BEND7: variants seen among roughly 807,000 people sequenced by gnomAD.
The protein encoded by BEND7 is BEN domain-containing protein 7.
In BEND7, 28 loss-of-function variants were observed where a neutral mutation model predicts 50.9. The observed-to-expected ratio is 0.55, with a 90% CI of 0.41 to 0.75. BEND7 has a LOEUF of 0.75. Among genes scored for constraint, BEND7 ranks in the 30% least tolerant of loss-of-function variants. The pLI, the probability that BEND7 is intolerant of heterozygous loss-of-function variation, is 0.00. For missense variants in BEND7, 477 were observed against 491.3 expected, an observed-to-expected ratio of 0.97 and a Z score of 0.28; for synonymous variants, 170 against 183.9, an observed-to-expected ratio of 0.92 and a Z score of 0.61.
chr10:13,464,767 C>A (rs1349715197), intron 6 of BEND7, among the ~76,000 whole-genome samples: 1 of 152,140 alleles, frequency 6.6e-6, no homozygotes, highest in Non-Finnish European at 1.5e-5. Context: ...AGTCTGTGAA[C>A]AAATCAGAAA....
At chr10:13,446,447 C>T (rs947720529) in intron 8 of BEND7, 7 of 152,212 alleles carry the variant, frequency 4.6e-5, no homozygotes, top group Admixed American at 1.3e-4. Flanking sequence ...AAAAAACATT[C>T]GGTTGAACCT....
In BEND7 at chr10:13,529,003, G is replaced by T; in HGVS notation, c.-470C>A. On this transcript the variant is annotated 5_prime_UTR_variant, in exon 1 of 9. Transcript: ENST00000466271. Reference sequence around the variant, plus strand: ...GAAGACGCGGCGGGCGGGCTGCGGGGAGGGCGGCGGCGGGTGCAGAGCCGG... The same window carrying T: ...GAAGACGCGGCGGGCGGGCTGCGGGTAGGGCGGCGGCGGGTGCAGAGCCGG... The T allele has an allele frequency of 6.9e-6, 1 of 145,772 alleles. No individual in the cohort carries two copies. The highest frequency in any genetic ancestry group is 1.8e-4 in the South Asian group (1 of 5,496). 9.0% of individuals were successfully genotyped at this position (145,772 alleles called of 1,614,324 possible). A position where few individuals can be genotyped will look rare whatever the true frequency, so the allele number is the denominator to read the frequency against.
intron 8 of BEND7, 163 bp downstream of exon 8, chr10:13,447,103 T>C: frequency 5.8e-6 from 4 of 693,362 alleles, no homozygotes; most frequent in Non-Finnish European, 1.0e-5. Flanking sequence ...AAAACATCTC[T>C]GAGTACGGGG....
intron 2 of BEND7, among the ~76,000 whole-genome samples, chr10:13,510,978 G>T (rs2078235056): frequency 6.6e-6 from 1 of 152,112 alleles, no homozygotes; most frequent in South Asian, 2.1e-4. Context: ...AGGTGTTCAA[G>T]GCCAGCCTGG....
chr10:13,503,992 G>A (rs571008947), intron 2 of BEND7, among the ~76,000 whole-genome samples: 48 of 152,314 alleles, frequency 3.2e-4, no homozygotes, highest in African/African-American at 1.1e-3. Context: ...GGAGTCCTGG[G>A]GCTCTACTCC....
chr10:13,439,199 G>C, downstream of BEND7: 1 of 1,613,740 alleles, frequency 6.2e-7, no homozygotes, highest in Non-Finnish European at 8.5e-7. Flanking sequence ...AGATGTGAAG[G>C]GTAAGAGACT....
intron 4 of BEND7, among the ~76,000 whole-genome samples, chr10:13,494,929 A>G (rs189531595): frequency 2.0e-5 from 3 of 152,358 alleles, no homozygotes; most frequent in Non-Finnish European, 4.4e-5. Flanking sequence ...AAGAAAATTA[A>G]AGGAGAGTAA....
intron 2 of BEND7, among the ~76,000 whole-genome samples, chr10:13,513,465 G>A (rs1432228496): frequency 2.0e-5 from 3 of 152,080 alleles, no homozygotes; most frequent in African/African-American, 7.2e-5. Context: ...ATTTTATCAC[G>A]ACCATCCCCT....
intron 6 of BEND7, chr10:13,480,547 T>C: frequency 1.3e-6 from 1 of 785,414 alleles, no homozygotes; most frequent in Non-Finnish European, 1.5e-6. Context: ...ATCATAGCTT[T>C]ATTCTCATAA....
chr10:13,474,158 T>C (rs146721761), intron 6 of BEND7, among the ~76,000 whole-genome samples: 2 of 151,458 alleles, frequency 1.3e-5, no homozygotes, highest in East Asian at 2.0e-4. Context: ...GTGGCCAACA[T>C]CTGTCATCGC....
At chr10:13,499,317 G>GC (rs2077267607) in intron 3 of BEND7, among the ~76,000 whole-genome samples, 2 of 151,940 alleles carry the variant, frequency 1.3e-5, no homozygotes, top group South Asian at 2.1e-4. Context: ...TGGGTTATCG[G>GC]CCCCCCACCC....
chr10:13,512,411 C>T (rs183650169), intron 2 of BEND7, among the ~76,000 whole-genome samples: 1 of 152,360 alleles, frequency 6.6e-6, no homozygotes, highest in African/African-American at 2.4e-5. Flanking sequence ...CAAAGGCTGA[C>T]AATACACCTA....
intron 5 of BEND7, among the ~76,000 whole-genome samples, chr10:13,490,709 T>C (rs971535289): frequency 6.6e-6 from 1 of 152,236 alleles, no homozygotes; most frequent in South Asian, 2.1e-4. Context: ...CACCTGGACT[T>C]TCACTCTCTC....
chr10:13,455,896 A>G (rs1470361599), intron 6 of BEND7, among the ~76,000 whole-genome samples: 1 of 152,110 alleles, frequency 6.6e-6, no homozygotes, highest in African/African-American at 2.4e-5. Context: ...ACCACAGACA[A>G]CTAATACGGC....
At chr10:13,499,734 C>T in intron 3 of BEND7, 44 bp downstream of exon 3, 1 of 1,553,640 alleles carries the variant, frequency 6.4e-7, no homozygotes, top group Non-Finnish European at 8.7e-7. Context: ...TAGAACAGTA[C>T]AAACCCCCAT....
At chr10:13,469,826 T>C (rs2074631806) in intron 6 of BEND7, among the ~76,000 whole-genome samples, 1 of 152,200 alleles carries the variant, frequency 6.6e-6, no homozygotes, top group Non-Finnish European at 1.5e-5. Context: ...GCATACACTT[T>C]TAGTTTTTTT....
At chr10:13,518,286 A>AGCAGGCT (rs146686555) in intron 2 of BEND7, among the ~76,000 whole-genome samples, 27,312 of 151,994 alleles carry the variant, frequency 0.18, 2,477 homozygotes, top group South Asian at 0.23. Context: ...GGCCGTGGCG[A>AGCAGGCT]GCAGGCTGCA....
At chr10:13,446,352 T>C (rs989677862) in intron 8 of BEND7, 2 of 152,342 alleles carry the variant, frequency 1.3e-5, no homozygotes, top group East Asian at 1.9e-4. Context: ...AATGAATACA[T>C]GGCCTAGTCA....
At chr10:13,500,436 C>T (rs552270792) in intron 2 of BEND7, 14 of 855,716 alleles carry the variant, frequency 1.6e-5, no homozygotes, top group South Asian at 8.7e-5. Context: ...AGAACTGGAC[C>T]GCGGAACCCC....
Sources: allele counts gnomAD v4.1 joint callset (sites outside exome capture counted in the v4.1 genomes callset), GRCh38; gene constraint gnomAD v4.1.1; transcripts MANE v1.5; gene names NCBI Gene and HGNC (gene_info 2026-07-23, HGNC 2026-07-21).